CYRIA: variants seen among roughly 807,000 people sequenced by gnomAD.
CYRIA encodes the protein CYFIP-related Rac1 interactor A.
A neutral mutation model predicts 43.9 loss-of-function variants in CYRIA; 15 were observed. The ratio of observed to expected loss-of-function variants is 0.34; its 90% CI spans 0.23 to 0.53. CYRIA has a LOEUF of 0.53. Among genes scored for constraint, CYRIA ranks in the 20% least tolerant of loss-of-function variants. The probability of loss-of-function intolerance (pLI) is 0.94; values close to 1 mark genes in which losing one functional copy is unlikely to be tolerated. For missense variants in CYRIA, 236 were observed against 394.2 expected, an observed-to-expected ratio of 0.60 and a Z score of 3.40; for synonymous variants, 117 against 136.0, an observed-to-expected ratio of 0.86 and a Z score of 0.97.
At chr2:16,662,736 G>T (rs1184266480) in intron 1 of CYRIA, among the ~76,000 whole-genome samples, 6 of 152,206 alleles carry the variant, frequency 3.9e-5, no homozygotes, top group Admixed American at 6.5e-5. Flanking sequence ...TCCTCAAGTG[G>T]ACAGTGGAAG....
intron 2 of CYRIA, among the ~76,000 whole-genome samples, chr2:16,604,328 C>T (rs1668303825): frequency 6.6e-6 from 1 of 152,234 alleles, no homozygotes; most frequent in Non-Finnish European, 1.5e-5. Flanking sequence ...GCCAGGGCGG[C>T]CACTGTTGTC....
intron 1 of CYRIA, among the ~76,000 whole-genome samples, chr2:16,649,394 T>C (rs1006229017): frequency 4.6e-5 from 7 of 152,022 alleles, no homozygotes; most frequent in Non-Finnish European, 2.9e-5. Flanking sequence ...AGTTGTACAG[T>C]ACAGGGGATG....
intron 3 of CYRIA, among the ~76,000 whole-genome samples, chr2:16,580,517 G>A (rs1228997719): frequency 6.6e-6 from 1 of 152,092 alleles, no homozygotes; most frequent in Non-Finnish European, 1.5e-5. Context: ...GGAAAGATGT[G>A]CTATATTCAC....
intron 3 of CYRIA, among the ~76,000 whole-genome samples, chr2:16,572,722 C>A (rs900020311): frequency 6.6e-6 from 1 of 152,170 alleles, no homozygotes; most frequent in Non-Finnish European, 1.5e-5. Context: ...TTTCTTTACA[C>A]CCCAGCCCCC....
chr2:16,644,207 A>G (rs1669755048), intron 1 of CYRIA, among the ~76,000 whole-genome samples: 1 of 152,220 alleles, frequency 6.6e-6, no homozygotes. Context: ...CTAGTGCAGT[A>G]TTGGATATGT....
intron 4 of CYRIA, 34 bp downstream of exon 4, chr2:16,565,612 G>A (rs375032415): frequency 5.9e-5 from 89 of 1,506,744 alleles, no homozygotes; most frequent in African/African-American, 4.4e-4. Context: ...TCCCCTCCTC[G>A]GGTGTTGTCA....
chr2:16,626,541 G>T (rs1239052552), intron 1 of CYRIA, among the ~76,000 whole-genome samples: 1 of 152,076 alleles, frequency 6.6e-6, no homozygotes, highest in African/African-American at 2.4e-5. Flanking sequence ...GGCCTCCCAG[G>T]GATCTGCCCC....
At position 16,625,083 on chromosome 2, in the gene CYRIA, A is replaced by G. The variant is rs368404443; in HGVS notation, c.-166-1064T>C. Among the ~76,000 whole-genome samples, 157 of 152,130 alleles carry G rather than the reference A, an allele frequency of 1.0e-3. 2 individuals carry two copies. Among genetic ancestry groups the G allele is most frequent in the African/African-American group, 3.7e-3 (152 of 41,490 alleles). On this transcript the variant is annotated intron_variant, in intron 1 of 11. Coordinates refer to ENST00000381323, the MANE Select transcript of CYRIA (RefSeq NM_030797.4). ...ATGTTTCAGCTCAAATGCATGAGAC[A>G]GTTCTTTAAAGCTGAAACTGTGGTA...
Position 16,552,846 on chromosome 2 carries a change from A to T in CYRIA, c.*90T>A. On this transcript the variant is annotated 3_prime_UTR_variant, in exon 12 of 12. Coordinates refer to ENST00000381323, the MANE Select transcript of CYRIA (RefSeq NM_030797.4). Reference sequence around the variant, plus strand: ...ACAAGAAGGAAACGGTTATGTAAATACACAAGTATTAACATCAATCTGTAT... The same window carrying T: ...ACAAGAAGGAAACGGTTATGTAAATTCACAAGTATTAACATCAATCTGTAT... 1 of 848,210 alleles carries T rather than the reference A, an allele frequency of 1.2e-6. No homozygotes were observed. The highest frequency in any genetic ancestry group is 2.0e-6 in the Non-Finnish European group (1 of 497,172). 52.5% of individuals were successfully genotyped at this position (848,210 alleles called of 1,614,324 possible).
intron 1 of CYRIA, among the ~76,000 whole-genome samples, chr2:16,625,069 C>CA (rs1196153084): frequency 1.1e-4 from 16 of 151,542 alleles, no homozygotes; most frequent in South Asian, 4.1e-4. Flanking sequence ...TGTTTCAGCT[C>CA]AAATGCATGA....
chr2:16,656,813 T>C (rs1226318597), intron 1 of CYRIA, among the ~76,000 whole-genome samples: 1 of 152,200 alleles, frequency 6.6e-6, no homozygotes, highest in Non-Finnish European at 1.5e-5. Context: ...TGGCCATGCT[T>C]GGTCAAGCAG....
In CYRIA at chr2:16,641,741, C is replaced by T. The variant is rs573737709; in HGVS notation, c.-166-17722G>A. Among the ~76,000 whole-genome samples the T allele has an allele frequency of 9.8e-5, 15 of 152,306 alleles. No individual in the cohort carries two copies. The South Asian group carries it at 1.7e-3, about 17-fold the overall frequency. ...GGATGGCAGACAGAAAAATGTTTTG[C>T]AGGAGATGCAGCAACATAAGCAGAT... On this transcript the variant is annotated intron_variant, in intron 1 of 11. Coordinates refer to ENST00000381323, the MANE Select transcript of CYRIA (RefSeq NM_030797.4).
chr2:16,583,808 C>T (rs570958411), intron 3 of CYRIA, among the ~76,000 whole-genome samples: 1 of 152,228 alleles, frequency 6.6e-6, no homozygotes, highest in Admixed American at 6.5e-5. Flanking sequence ...TGAAAAACAA[C>T]AACAAAGATG....
At chr2:16,584,033 G>A (rs1045979757) in intron 3 of CYRIA, among the ~76,000 whole-genome samples, 4 of 152,112 alleles carry the variant, frequency 2.6e-5, no homozygotes, top group African/African-American at 4.8e-5. Context: ...CAAAGTAGAG[G>A]TGCCAAATTC....
At chr2:16,636,717 A>C (rs1669507605) in intron 1 of CYRIA, among the ~76,000 whole-genome samples, 2 of 152,234 alleles carry the variant, frequency 1.3e-5, no homozygotes, top group South Asian at 4.2e-4. Context: ...ACAGGTTGGA[A>C]GTAGGACAAC....
At chr2:16,565,818 T>C in intron 3 of CYRIA, 51 bp from the exon 4 acceptor site, 1 of 1,476,128 alleles carries the variant, frequency 6.8e-7, no homozygotes, top group Non-Finnish European at 9.1e-7. Flanking sequence ...ACAAATAGCT[T>C]GGGAGGAGGA....
chr2:16,632,989 G>A (rs533316214), intron 1 of CYRIA, among the ~76,000 whole-genome samples: 6 of 152,252 alleles, frequency 3.9e-5, no homozygotes, highest in Middle Eastern at 6.8e-3. Context: ...GGGGAGCAGC[G>A]GATAGAAGAA....
At chr2:16,575,948 T>G (rs1217129264) in intron 3 of CYRIA, among the ~76,000 whole-genome samples, 1 of 152,190 alleles carries the variant, frequency 6.6e-6, no homozygotes, top group Non-Finnish European at 1.5e-5. Context: ...CTTTGCCTGC[T>G]GCCATCCAGG....
intron 6 of CYRIA, among the ~76,000 whole-genome samples, 153 bp from the exon 7 acceptor site, chr2:16,561,686 C>T (rs976555364): frequency 6.6e-6 from 1 of 152,154 alleles, no homozygotes; most frequent in Non-Finnish European, 1.5e-5. Context: ...AATAAGGACC[C>T]ACAACTTCAT....
Sources: allele counts gnomAD v4.1 joint callset (sites outside exome capture counted in the v4.1 genomes callset), GRCh38; gene constraint gnomAD v4.1.1; transcripts MANE v1.5; gene names NCBI Gene and HGNC (gene_info 2026-07-23, HGNC 2026-07-21).